Variants in B3GALT1 observed in about 807,000 individuals in gnomAD.
The protein encoded by B3GALT1 is beta-1,3-galactosyltransferase 1.
B3GALT1 carries 10 observed loss-of-function variants against 23.2 expected under a neutral mutation model. That is an observed-to-expected ratio of 0.43 (90% CI 0.27 to 0.73). B3GALT1 has a LOEUF of 0.73. Among genes scored for constraint, B3GALT1 ranks in the 30% least tolerant of loss-of-function variants. The pLI, the probability that B3GALT1 is intolerant of heterozygous loss-of-function variation, is 0.21. For missense variants in B3GALT1, 299 were observed against 405.4 expected, an observed-to-expected ratio of 0.74 and a Z score of 2.25; for synonymous variants, 156 against 141.5, an observed-to-expected ratio of 1.10 and a Z score of -0.73.
At chr2:167,322,179 A>G (rs1201137745) in intron 1 of B3GALT1, among the ~76,000 whole-genome samples, 1 of 151,948 alleles carries the variant, frequency 6.6e-6, no homozygotes, top group Non-Finnish European at 1.5e-5. Flanking sequence ...CCTAATTTCT[A>G]TGAAAAAATA....
intron 3 of B3GALT1, among the ~76,000 whole-genome samples, chr2:167,812,984 A>ACCCC (rs1688920753): frequency 1.1e-5 from 1 of 89,810 alleles, no homozygotes; most frequent in Non-Finnish European, 2.0e-5. Context: ...CACACGCACC[A>ACCCC]CCACCACCCC....
intron 1 of B3GALT1, among the ~76,000 whole-genome samples, chr2:167,372,101 G>T (rs1468191209): frequency 2.6e-5 from 4 of 151,676 alleles, no homozygotes; most frequent in Non-Finnish European, 5.9e-5. Flanking sequence ...GTTGCTATTG[G>T]CTAATTTTTA....
intron 2 of B3GALT1, among the ~76,000 whole-genome samples, chr2:167,611,293 T>C (rs1288671853): frequency 6.6e-6 from 1 of 152,058 alleles, no homozygotes; most frequent in African/African-American, 2.4e-5. Context: ...ATATGTACAC[T>C]TTCCCAAAAT....
chr2:167,653,269 G>T (rs1373600469), intron 3 of B3GALT1, among the ~76,000 whole-genome samples: 1 of 152,092 alleles, frequency 6.6e-6, no homozygotes, highest in Non-Finnish European at 1.5e-5. Flanking sequence ...AAAACAGCAG[G>T]CAGCTACCCA....
chr2:167,544,535 G>A (rs1683592808), intron 2 of B3GALT1, among the ~76,000 whole-genome samples: 1 of 152,082 alleles, frequency 6.6e-6, no homozygotes. Flanking sequence ...GACCTCAAGT[G>A]ACCCACCCAC....
At chr2:167,438,703 C>T (rs868527390) in intron 1 of B3GALT1, among the ~76,000 whole-genome samples, 11 of 152,288 alleles carry the variant, frequency 7.2e-5, no homozygotes, top group Middle Eastern at 3.4e-3. Context: ...ACAGGGCAGA[C>T]TGAGGAGAGA....
chr2:167,834,067 C>A (rs989636295), intron 4 of B3GALT1, among the ~76,000 whole-genome samples: 4 of 152,132 alleles, frequency 2.6e-5, no homozygotes, highest in African/African-American at 9.7e-5. Flanking sequence ...AGGAACTTTG[C>A]TGCACAAAAT....
chr2:167,396,098 C>A (rs1698090450), intron 1 of B3GALT1, among the ~76,000 whole-genome samples: 2 of 152,074 alleles, frequency 1.3e-5, no homozygotes, highest in South Asian at 4.1e-4. Flanking sequence ...CCTGCTGAGA[C>A]AAAAGATACA....
chr2:167,329,273 C>T (rs1696938474), intron 1 of B3GALT1, among the ~76,000 whole-genome samples: 1 of 152,176 alleles, frequency 6.6e-6, no homozygotes, highest in Non-Finnish European at 1.5e-5. Context: ...AGTGGTCATT[C>T]AGTAGCATGT....
intron 1 of B3GALT1, among the ~76,000 whole-genome samples, chr2:167,372,261 A>C (rs1232946125): frequency 6.6e-6 from 1 of 152,144 alleles, no homozygotes; most frequent in East Asian, 1.9e-4. Context: ...CAATTAATGC[A>C]GAAAAAGCAA....
rs530574660 is a variant in B3GALT1, at chr2:167,571,963, C to G, written c.-409-74946C>G. Among the ~76,000 whole-genome samples, 3 of 151,664 alleles carry G rather than the reference C, an allele frequency of 2.0e-5. 1 individual carries two copies. Among genetic ancestry groups the G allele is most frequent in the African/African-American group, 7.2e-5 (3 of 41,446 alleles). On this transcript the variant is annotated intron_variant, in intron 2 of 4. Transcript: ENST00000392690. ...AAATTATACAACTTTTACAATCAAA[C>G]AAAAAGATGCTATAATCTAGTTGTA... is the stretch of plus-strand genomic sequence containing the variant.
chr2:167,548,385 C>A (rs1683678220), intron 2 of B3GALT1, among the ~76,000 whole-genome samples: 1 of 152,220 alleles, frequency 6.6e-6, no homozygotes, highest in Non-Finnish European at 1.5e-5. Flanking sequence ...TGCCTGAAGA[C>A]TCTAGTTCCC....
At chr2:167,438,525 T>G (rs115315883) in intron 1 of B3GALT1, among the ~76,000 whole-genome samples, 1,696 of 152,302 alleles carry the variant, frequency 0.011, 35 homozygotes, top group African/African-American at 0.039. Flanking sequence ...ACCTGGATAT[T>G]TGGTGGAATT....
chr2:167,717,573 CAACA>C (rs1238654897), intron 3 of B3GALT1, among the ~76,000 whole-genome samples: 46 of 152,010 alleles, frequency 3.0e-4, no homozygotes, highest in Admixed American at 1.2e-3. Flanking sequence ...TTTTTGGTTG[CAACA>C]TAATATTCTA....
chr2:167,460,012 CATTT>C (rs61590011), intron 1 of B3GALT1, among the ~76,000 whole-genome samples: 29,298 of 151,768 alleles, frequency 0.19, 4,913 homozygotes, highest in African/African-American at 0.47. Flanking sequence ...TGTGAGAAGT[CATTT>C]ATTTATCTTT....
intron 2 of B3GALT1, among the ~76,000 whole-genome samples, chr2:167,618,632 C>G (rs1396096833): frequency 1.3e-5 from 2 of 151,958 alleles, no homozygotes; most frequent in Non-Finnish European, 2.9e-5. Context: ...AATTTCTAGT[C>G]TAGGTCAATT....
intron 1 of B3GALT1, among the ~76,000 whole-genome samples, chr2:167,419,872 A>G (rs1698521448): frequency 6.6e-6 from 1 of 152,214 alleles, no homozygotes; most frequent in Non-Finnish European, 1.5e-5. Flanking sequence ...GATTTCAACA[A>G]TACTGTATCA....
chr2:167,462,961 C>T (rs1559104862), intron 1 of B3GALT1, among the ~76,000 whole-genome samples: 1 of 152,066 alleles, frequency 6.6e-6, no homozygotes, highest in African/African-American at 2.4e-5. Context: ...CACTTTTCCT[C>T]AGAGTTTTTG....
intron 3 of B3GALT1, among the ~76,000 whole-genome samples, chr2:167,660,061 CAT>C (rs1209016671): frequency 6.6e-6 from 1 of 152,042 alleles, no homozygotes; most frequent in African/African-American, 2.4e-5. Flanking sequence ...CCCAACTCCT[CAT>C]AGAAGGTGTG....
Sources: gnomAD v4.1 joint callset for allele counts (sites outside exome capture counted in the v4.1 genomes callset) on GRCh38, gnomAD v4.1.1 for gene constraint, MANE v1.5 for transcripts, NCBI Gene and HGNC (gene_info 2026-07-23, HGNC 2026-07-21) for gene names.